CNTN5: variants seen among roughly 807,000 people sequenced by gnomAD.
The protein encoded by CNTN5 is contactin-5.
Under a neutral mutation model 129.1 loss-of-function variants are expected in CNTN5, and 77 were observed. The observed-to-expected ratio is 0.60, with a 90% CI of 0.50 to 0.72. The LOEUF is 0.72. CNTN5 is among the 30% of genes least tolerant of loss of function. The pLI, the probability that CNTN5 is intolerant of heterozygous loss-of-function variation, is 0.00. For missense variants in CNTN5, 1,478 were observed against 1,328.8 expected, an observed-to-expected ratio of 1.11 and a Z score of -1.75; for synonymous variants, 509 against 465.6, an observed-to-expected ratio of 1.09 and a Z score of -1.20.
chr11:99,596,232 C>T lies in CNTN5; in HGVS notation c.55+39963C>T, dbSNP rs1414460274. 2.6e-5 allele frequency among the ~76,000 whole-genome samples: 4 copies of T among 152,012 alleles called. No homozygotes were observed. In the East Asian group the frequency reaches 7.7e-4, roughly 29 times the overall value. On this transcript the variant is annotated intron_variant, in intron 3 of 24. Coordinates refer to ENST00000524871, the MANE Select transcript of CNTN5 (RefSeq NM_014361.4). Reference sequence around the variant, plus strand: ...CATTTACTTTGTGGCTGAGAAATGTCGTCCTATACCAAAAGATAGGATTAA... The same window carrying T: ...CATTTACTTTGTGGCTGAGAAATGTTGTCCTATACCAAAAGATAGGATTAA...
At chr11:100,319,790 A>G (rs563704232) in intron 21 of CNTN5, among the ~76,000 whole-genome samples, 2 of 152,294 alleles carry the variant, frequency 1.3e-5, no homozygotes, top group Non-Finnish European at 2.9e-5. Flanking sequence ...ACATATGGGT[A>G]AGACCATGTG....
chr11:99,645,488 A>G (rs1224115668), intron 3 of CNTN5, among the ~76,000 whole-genome samples: 1 of 151,638 alleles, frequency 6.6e-6, no homozygotes, highest in East Asian at 1.9e-4. Flanking sequence ...TACTATAAAG[A>G]CATATGTACA....
intron 4 of CNTN5, among the ~76,000 whole-genome samples, chr11:99,841,570 A>G (rs1947492204): frequency 6.6e-6 from 1 of 151,760 alleles, no homozygotes; most frequent in East Asian, 1.9e-4. Flanking sequence ...AAGTATAATA[A>G]GAGTGAGAAA....
At chr11:99,608,294 C>A (rs1008631876) in intron 3 of CNTN5, among the ~76,000 whole-genome samples, 3 of 152,120 alleles carry the variant, frequency 2.0e-5, no homozygotes, top group African/African-American at 7.2e-5. Context: ...AGCCCACTAC[C>A]TTGTTTGCTT....
intron 3 of CNTN5, among the ~76,000 whole-genome samples, chr11:99,660,267 C>T (rs903123080): frequency 6.6e-6 from 1 of 151,890 alleles, no homozygotes; most frequent in Non-Finnish European, 1.5e-5. Flanking sequence ...GTATGTAAAC[C>T]TTAGAAAGTA....
chr11:100,193,370 G>A (rs962737338), intron 14 of CNTN5, 118 bp from the exon 15 acceptor site: 9 of 592,762 alleles, frequency 1.5e-5, no homozygotes, highest in Admixed American at 1.2e-4. Flanking sequence ...GCTGGTATAT[G>A]TATCTGGAGC....
At position 100,086,436 on chromosome 11, in the gene CNTN5, G is replaced by A. The variant is rs558521304; in HGVS notation, c.1580+12142G>A. On this transcript the variant is annotated intron_variant, in intron 13 of 24. Coordinates refer to ENST00000524871, the MANE Select transcript of CNTN5 (RefSeq NM_014361.4). ...CAGTAAAAGCATTGAAATAAGGTAT[G>A]CTATTTCCAAACTAGTTAAAAAAAT... 5.3e-5 allele frequency among the ~76,000 whole-genome samples: 8 copies of A among 150,484 alleles called. 1 individual carries two copies. In the South Asian group the frequency reaches 1.7e-3, roughly 31 times the overall value.
chr11:99,306,367 G>T (rs1007000077), intron 1 of CNTN5, among the ~76,000 whole-genome samples: 1 of 152,042 alleles, frequency 6.6e-6, no homozygotes, highest in Non-Finnish European at 1.5e-5. Context: ...ACAAAAAAAT[G>T]AGATAGTGGA....
chr11:100,249,308 T>C (rs893552667), intron 16 of CNTN5, among the ~76,000 whole-genome samples: 1 of 151,980 alleles, frequency 6.6e-6, no homozygotes, highest in Non-Finnish European at 1.5e-5. Flanking sequence ...ACAGAAAGAG[T>C]TGATCTGGTA....
At chr11:99,612,438 T>C (rs1950618936) in intron 3 of CNTN5, among the ~76,000 whole-genome samples, 1 of 152,204 alleles carries the variant, frequency 6.6e-6, no homozygotes. Context: ...GTTAATTTTT[T>C]ATAAAAGCTT....
intron 7 of CNTN5, among the ~76,000 whole-genome samples, chr11:99,950,303 C>A (rs375857108): frequency 6.6e-6 from 1 of 151,986 alleles, no homozygotes; most frequent in African/African-American, 2.4e-5. Context: ...ACAGTGAAAC[C>A]CCATCTCTAC....
At chr11:100,285,903 CG>C (rs1950773624) in intron 18 of CNTN5, among the ~76,000 whole-genome samples, 2 of 152,270 alleles carry the variant, frequency 1.3e-5, no homozygotes, top group Admixed American at 6.5e-5. Context: ...GTGCGCGCAC[CG>C]TGCGCGAGCC....
At chr11:100,083,879 C>T (rs1944455024) in intron 13 of CNTN5, among the ~76,000 whole-genome samples, 1 of 151,986 alleles carries the variant, frequency 6.6e-6, no homozygotes, top group Admixed American at 6.6e-5. Flanking sequence ...TTTTTCTTGA[C>T]CACTCCACCA....
chr11:99,081,251 C>T (rs191385411), intron 1 of CNTN5, among the ~76,000 whole-genome samples: 1 of 152,036 alleles, frequency 6.6e-6, no homozygotes, highest in Non-Finnish European at 1.5e-5. Context: ...GCAGCCTCTT[C>T]GATATGTTTA....
intron 2 of CNTN5, among the ~76,000 whole-genome samples, chr11:99,528,419 T>C (rs760235165): frequency 1.3e-5 from 2 of 152,214 alleles, no homozygotes; most frequent in Non-Finnish European, 2.9e-5. Flanking sequence ...CATATCACTA[T>C]GGTCAGTTAG....
At chr11:99,051,637 TA>T (rs1864431930) in intron 1 of CNTN5, among the ~76,000 whole-genome samples, 1 of 151,906 alleles carries the variant, frequency 6.6e-6, no homozygotes, top group Admixed American at 6.6e-5. Context: ...AACCATTACA[TA>T]AGAAGTAAAA....
At chr11:100,292,027 A>T (rs968677551) in intron 18 of CNTN5, among the ~76,000 whole-genome samples, 5 of 151,918 alleles carry the variant, frequency 3.3e-5, no homozygotes, top group Non-Finnish European at 7.4e-5. Context: ...GTATTTAAAA[A>T]TTCCAGTTTA....
intron 3 of CNTN5, among the ~76,000 whole-genome samples, chr11:99,789,865 C>G (rs920972138): frequency 2.0e-5 from 3 of 151,870 alleles, no homozygotes; most frequent in Non-Finnish European, 4.4e-5. Context: ...TACAATTGAT[C>G]CCATCATCCA....
chr11:100,351,479 A>T (rs1952410426), intron 24 of CNTN5, among the ~76,000 whole-genome samples: 1 of 151,280 alleles, frequency 6.6e-6, no homozygotes, highest in Non-Finnish European at 1.5e-5. Flanking sequence ...CATTTAAGTA[A>T]CTTGCCTAAG....
Sources: gnomAD v4.1 joint callset for allele counts (sites outside exome capture counted in the v4.1 genomes callset) on GRCh38, gnomAD v4.1.1 for gene constraint, MANE v1.5 for transcripts, NCBI Gene and HGNC (gene_info 2026-07-23, HGNC 2026-07-21) for gene names.